Variants in PHC3 observed in about 807,000 individuals in gnomAD.
PHC3 encodes polyhomeotic homolog 3.
In PHC3, 13 loss-of-function variants were observed where a neutral mutation model predicts 107.4. The ratio of observed to expected loss-of-function variants is 0.12; its 90% CI spans 0.08 to 0.19. The LOEUF (loss-of-function observed/expected upper bound fraction) is 0.19, where lower values mean the gene tolerates loss of function less well. Ranked by LOEUF, PHC3 falls within the 10% of genes least tolerant of loss-of-function variation. PHC3 has a pLI of 1.00. For missense variants in PHC3, 992 were observed against 1,210.9 expected (o/e 0.82, Z 2.68); for synonymous variants, 456 against 427.4 (o/e 1.07, Z -0.83).
intron 7 of PHC3, among the ~76,000 whole-genome samples, chr3:170,129,890 G>C (rs956171436): frequency 5.3e-5 from 8 of 152,116 alleles, no homozygotes; most frequent in African/African-American, 1.9e-4. Context: ...AGTAGAGACG[G>C]GGTTTCACCA....
intron 2 of PHC3, 45 bp from the exon 3 acceptor site, chr3:170,172,757 T>C: frequency 6.5e-7 from 1 of 1,546,418 alleles, no homozygotes; most frequent in Non-Finnish European, 8.7e-7. Flanking sequence ...AATCTCAACC[T>C]TTATCTTAAT....
intron 5 of PHC3, chr3:170,148,316 C>T (rs1011088095): frequency 6.6e-6 from 1 of 151,968 alleles, no homozygotes; most frequent in East Asian, 1.9e-4. Context: ...AACTGGAGAT[C>T]CAGATATATA....
chr3:170,146,535 C>CTTTTTTTTTTTT (rs373420736), intron 5 of PHC3, among the ~76,000 whole-genome samples: 5 of 123,502 alleles, frequency 4.0e-5, no homozygotes, highest in Non-Finnish European at 6.7e-5. Context: ...TTTTCTTTTT[C>CTTTTTTTTTTTT]TTTTTTTTTT....
chr3:170,149,024 A>T (rs6808181), intron 5 of PHC3, 62 bp downstream of exon 5: 65,662 of 1,484,260 alleles, frequency 0.044, 1,627 homozygotes, highest in African/African-American at 0.087. Flanking sequence ...GTATCAAATC[A>T]AGAAACATTT....
intron 7 of PHC3, 35 bp downstream of exon 7, chr3:170,136,384 T>A (rs750122237): frequency 6.2e-7 from 1 of 1,611,436 alleles, no homozygotes; most frequent in East Asian, 2.2e-5. Flanking sequence ...AGAAAATGAA[T>A]AATACAACTA....
In PHC3 at chr3:170,087,780, G is replaced by A. The variant is rs1410663473; in HGVS notation, c.*9450C>T. On this transcript the variant is annotated 3_prime_UTR_variant, in exon 15 of 15. Coordinates refer to ENST00000495893, the MANE Select transcript of PHC3 (RefSeq NM_024947.4). ...AAAGGTGCAATTACAAGCAAGTTAA[G>A]CAGCAGAGTATAAGGTGCTTTAATT... The A allele has an allele frequency of 1.3e-5, 2 of 152,154 alleles. No homozygotes were observed. The allele number at this position is 152,154 out of a possible 1,614,324, so 9.4% of individuals were successfully genotyped here.
chr3:170,175,636 A>G (rs867824953), intron 2 of PHC3, among the ~76,000 whole-genome samples: 1,564 of 148,780 alleles, frequency 0.011, 20 homozygotes, highest in African/African-American at 0.033. Context: ...AAAAAAAAAA[A>G]GGGGGGGGCC....
At chr3:170,141,765 C>T (rs1724151234) in intron 6 of PHC3, among the ~76,000 whole-genome samples, 1 of 152,064 alleles carries the variant, frequency 6.6e-6, no homozygotes, top group Non-Finnish European at 1.5e-5. Context: ...GCCCGCACCA[C>T]CACGCCCTGC....
At chr3:170,150,663 A>G (rs1219044554) in intron 4 of PHC3, 4 of 353,100 alleles carry the variant, frequency 1.1e-5, no homozygotes, top group Non-Finnish European at 2.2e-5. Flanking sequence ...CAGTGAGCCG[A>G]GATTGCGCCA....
Position 170,164,264 on chromosome 3 carries a change from G to A in PHC3, c.414+7109C>T, listed in dbSNP as rs1728386697. On this transcript the variant is annotated intron_variant, in intron 4 of 14. Transcript: ENST00000495893. Reference sequence around the variant, plus strand: ...TAAACAAAACTTTGTGAGAGAAAATGGGACTACTGAAGGGAAGTAGTCACT... The same window carrying A: ...TAAACAAAACTTTGTGAGAGAAAATAGGACTACTGAAGGGAAGTAGTCACT... Among the ~76,000 whole-genome samples the A allele has an allele frequency of 2.0e-5, 3 of 152,132 alleles. No homozygotes were observed. In the South Asian group the frequency reaches 6.2e-4, roughly 32 times the overall value.
intron 4 of PHC3, among the ~76,000 whole-genome samples, chr3:170,162,191 CCATGAACAGTAGTGAAGTCAT>C (rs1352519842): frequency 6.6e-6 from 1 of 152,190 alleles, no homozygotes; most frequent in Non-Finnish European, 1.5e-5. Flanking sequence ...TCTCATCACA[CCATGAACAGTAGTGAAGTCAT>C]CAAGTACTCT....
chr3:170,127,322 C>T (rs987286075), intron 8 of PHC3, among the ~76,000 whole-genome samples: 1 of 152,164 alleles, frequency 6.6e-6, no homozygotes, highest in African/African-American at 2.4e-5. Context: ...ATGGCCACCA[C>T]TCCCGGGTAA....
At chr3:170,132,455 T>C (rs1294161769) in intron 7 of PHC3, among the ~76,000 whole-genome samples, 3 of 152,208 alleles carry the variant, frequency 2.0e-5, no homozygotes, top group Non-Finnish European at 1.5e-5. Context: ...TCCCAATGTG[T>C]ATTTGTAGAT....
Position 170,097,167 on chromosome 3 carries a change from TTTACC to T in PHC3, c.*58_*62del, listed in dbSNP as rs1262258622. On this transcript the variant is annotated 3_prime_UTR_variant, in exon 15 of 15. Coordinates refer to ENST00000495893, the MANE Select transcript of PHC3 (RefSeq NM_024947.4). The surrounding 1 kb of genome is among the most constrained non-coding windows in gnomAD (Gnocchi z 4.1). ...GTCATATTCTAGACCAAGTTAGGCC[TTTACC>T]TTACAAGTTTTTGTGAGAAAAGTAA... is the stretch of plus-strand genomic sequence containing the variant. 11 of 1,521,652 alleles carry T rather than the reference TTTACC, an allele frequency of 7.2e-6. No homozygotes were observed. The highest frequency in any genetic ancestry group is 6.5e-5 in the South Asian group (5 of 76,512). The allele number at this position is 1,521,652 out of a possible 1,614,324, so 94.3% of individuals were successfully genotyped here. A position where few individuals can be genotyped will look rare whatever the true frequency, so the allele number is the denominator to read the frequency against.
rs1560085063 is a variant in PHC3 at position 170,141,202 on chromosome 3, A to C, written c.672+4221T>G. On this transcript the variant is annotated intron_variant, in intron 6 of 14. Coordinates refer to ENST00000495893, the MANE Select transcript of PHC3 (RefSeq NM_024947.4). ...AACAAAGTTATGCAGAAATTTTCCA[A>C]AACAGTCTTGAACTTGACGAAAGTT... Among the ~76,000 whole-genome samples, 3 of 152,252 alleles carry C rather than the reference A, an allele frequency of 2.0e-5. 1 individual carries two copies. Among genetic ancestry groups the C allele is most frequent in the East Asian group, 1.9e-4 (1 of 5,202 alleles).
chr3:170,112,041 G>A (rs759776715), intron 11 of PHC3, among the ~76,000 whole-genome samples: 11 of 152,136 alleles, frequency 7.2e-5, no homozygotes, highest in Admixed American at 2.0e-4. Context: ...GAAGGGCCAT[G>A]ATCAAAAAGA....
chr3:170,121,285 G>A (rs772119016), intron 9 of PHC3, among the ~76,000 whole-genome samples: 2 of 151,970 alleles, frequency 1.3e-5, no homozygotes, highest in Non-Finnish European at 2.9e-5. Context: ...GCCAGCCTGG[G>A]CAACATAGTG....
At chr3:170,106,029 T>C (rs548895897) in intron 12 of PHC3, among the ~76,000 whole-genome samples, 3 of 152,204 alleles carry the variant, frequency 2.0e-5, no homozygotes, top group East Asian at 3.9e-4. Context: ...CTGGCGAACA[T>C]GGTGAAACCC....
chr3:170,153,688 G>A (rs531073205), intron 4 of PHC3, among the ~76,000 whole-genome samples: 73 of 151,710 alleles, frequency 4.8e-4, no homozygotes, highest in South Asian at 6.3e-4. Context: ...GCGTGAACCC[G>A]GGAAGCGGAG....
Sources: allele counts gnomAD v4.1 joint callset (sites outside exome capture counted in the v4.1 genomes callset), GRCh38; gene constraint gnomAD v4.1.1; non-coding constraint Gnocchi (gnomAD v3.1); transcripts MANE v1.5; gene names NCBI Gene and HGNC (gene_info 2026-07-23, HGNC 2026-07-21).